GPR39: variants seen among roughly 807,000 people sequenced by gnomAD.
GPR39 encodes the protein zinc sensing receptor.
In GPR39, 23 loss-of-function variants were observed where a neutral mutation model predicts 18.4. The observed-to-expected ratio is 1.25, with a 90% CI of 0.90 to 1.77. The LOEUF (loss-of-function observed/expected upper bound fraction) is 1.77, where lower values mean the gene tolerates loss of function less well. Ranked by LOEUF, GPR39 falls within the 40% of genes most tolerant of loss-of-function variation. The probability of loss-of-function intolerance (pLI) is 0.00; values close to 1 mark genes in which losing one functional copy is unlikely to be tolerated. For missense variants in GPR39, 647 were observed against 602.4 expected, an observed-to-expected ratio of 1.07 and a Z score of -0.78; for synonymous variants, 280 against 257.9, an observed-to-expected ratio of 1.09 and a Z score of -0.82.
chr2:132,427,046 A>G (rs1442062024), intron 1 of GPR39, among the ~76,000 whole-genome samples: 1 of 148,746 alleles, frequency 6.7e-6, no homozygotes, highest in East Asian at 2.0e-4. Flanking sequence ...CCAGAGATGA[A>G]GTCATTTGAA....
At chr2:132,493,143 T>C (rs868359690) in intron 1 of GPR39, among the ~76,000 whole-genome samples, 112 of 142,582 alleles carry the variant, frequency 7.9e-4, no homozygotes, top group South Asian at 4.0e-3. Context: ...ACCATATATA[T>C]ACATTCCATA....
intron 1 of GPR39, among the ~76,000 whole-genome samples, chr2:132,562,683 A>G (rs886126928): frequency 1.1e-4 from 17 of 152,146 alleles, no homozygotes; most frequent in African/African-American, 4.1e-4. Flanking sequence ...AGCCACTGGT[A>G]GATAGTAGTA....
intron 1 of GPR39, among the ~76,000 whole-genome samples, chr2:132,458,458 T>TGTGTGTGTGTGTGTG (rs1680774114): frequency 7.6e-6 from 1 of 132,128 alleles, no homozygotes; most frequent in African/African-American, 2.9e-5. Context: ...CTCGGTGTGT[T>TGTGTGTGTGTGTGTG]TGTGTGTGTG....
chr2:132,608,654 TTGGCATG>T (rs1681183868), intron 1 of GPR39, among the ~76,000 whole-genome samples: 1 of 152,198 alleles, frequency 6.6e-6, no homozygotes, highest in Non-Finnish European at 1.5e-5. Flanking sequence ...CTGGCAGGGC[TTGGCATG>T]TGGCAGAACA....
intron 1 of GPR39, among the ~76,000 whole-genome samples, chr2:132,609,426 GGA>G (rs1029998264): frequency 2.6e-5 from 4 of 152,152 alleles, no homozygotes; most frequent in Admixed American, 2.6e-4. Flanking sequence ...ATGAGAAAAC[GGA>G]GAGTCAGAGA....
At chr2:132,636,392 G>A (rs1406667028) in intron 1 of GPR39, among the ~76,000 whole-genome samples, 1 of 152,150 alleles carries the variant, frequency 6.6e-6, no homozygotes, top group Non-Finnish European at 1.5e-5. Context: ...CAGGGTCTGG[G>A]AGCCCACTCA....
intron 1 of GPR39, among the ~76,000 whole-genome samples, chr2:132,619,852 C>CACAG (rs1373233158): frequency 2.2e-5 from 3 of 135,456 alleles, no homozygotes; most frequent in African/African-American, 1.0e-4. Flanking sequence ...CACACACACA[C>CACAG]ACACAGACAC....
intron 1 of GPR39, chr2:132,418,678 T>A (rs1303206036): frequency 6.6e-6 from 1 of 152,236 alleles, no homozygotes; most frequent in African/African-American, 2.4e-5. Flanking sequence ...TGAGGCCTCG[T>A]CTATTTAAAA....
At position 132,512,229 on chromosome 2, in the gene GPR39, G is replaced by A. The variant is rs1035119128; in HGVS notation, c.856+94331G>A. ...GCTGAACTGTAAGTAAACCTAAGGC[G>A]TATGGATTATTAGGGAGGTATTGAA... On this transcript the variant is annotated intron_variant, in intron 1 of 1. Coordinates refer to ENST00000329321, the MANE Select transcript of GPR39 (RefSeq NM_001508.3). 2.0e-5 allele frequency among the ~76,000 whole-genome samples: 3 copies of A among 152,148 alleles called. No homozygotes were observed. In the East Asian group the frequency reaches 5.8e-4, roughly 29 times the overall value.
At chr2:132,520,266 G>T (rs1383093355) in intron 1 of GPR39, among the ~76,000 whole-genome samples, 2 of 152,162 alleles carry the variant, frequency 1.3e-5, no homozygotes, top group Non-Finnish European at 2.9e-5. Context: ...CTTTGATACT[G>T]CTGTGGTACT....
At chr2:132,593,865 C>T (rs151199337) in intron 1 of GPR39, among the ~76,000 whole-genome samples, 52 of 152,260 alleles carry the variant, frequency 3.4e-4, no homozygotes, top group Non-Finnish European at 6.3e-4. Flanking sequence ...GAAGCGCTCT[C>T]CATCTGGCTC....
At chr2:132,543,181 G>C (rs188478090) in intron 1 of GPR39, among the ~76,000 whole-genome samples, 25 of 152,326 alleles carry the variant, frequency 1.6e-4, no homozygotes, top group Admixed American at 6.5e-4. Context: ...TCTCAGCAAA[G>C]AGAAGTGTCC....
At chr2:132,584,746 G>A (rs1297535614) in intron 1 of GPR39, among the ~76,000 whole-genome samples, 1 of 152,210 alleles carries the variant, frequency 6.6e-6, no homozygotes, top group African/African-American at 2.4e-5. Context: ...GGATGCAAAT[G>A]AGGCTTTCAG....
chr2:132,582,140 C>G (rs555861809), intron 1 of GPR39, among the ~76,000 whole-genome samples: 2 of 152,100 alleles, frequency 1.3e-5, no homozygotes, highest in Non-Finnish European at 2.9e-5. Context: ...CAGGTGGCCA[C>G]GTCTGGGCTG....
chr2:132,602,776 A>G (rs548402923), intron 1 of GPR39, among the ~76,000 whole-genome samples: 1 of 152,132 alleles, frequency 6.6e-6, no homozygotes, highest in East Asian at 1.9e-4. Flanking sequence ...GCCAATAAGT[A>G]TATGAAAAAA....
intron 1 of GPR39, among the ~76,000 whole-genome samples, chr2:132,484,570 G>A (rs567342041): frequency 3.3e-5 from 5 of 152,170 alleles, no homozygotes; most frequent in African/African-American, 4.8e-5. Flanking sequence ...AACTATAATC[G>A]GAGACTCCCA....
rs879594304 is a variant in GPR39 at position 132,416,840 on chromosome 2, C to T, written c.-203C>T. ...CCAAACCTCAACACCCAGGCGCCTCCTGGGCCTCTCCTAGGTTGGGCTGCT... is the reference window on the plus strand; with the variant it reads ...CCAAACCTCAACACCCAGGCGCCTCTTGGGCCTCTCCTAGGTTGGGCTGCT... On this transcript the variant is annotated 5_prime_UTR_variant, in exon 1 of 2. Coordinates refer to ENST00000329321, the MANE Select transcript of GPR39 (RefSeq NM_001508.3). The T allele has an allele frequency of 9.7e-5, 64 of 660,356 alleles. No individual in the cohort carries two copies. Among genetic ancestry groups the T allele is most frequent in the Admixed American group, 4.4e-4 (15 of 34,126 alleles). 40.9% of individuals were successfully genotyped at this position (660,356 alleles called of 1,614,324 possible).
chr2:132,419,353 C>G (rs1025720514), intron 1 of GPR39, among the ~76,000 whole-genome samples: 1 of 152,208 alleles, frequency 6.6e-6, no homozygotes, highest in Non-Finnish European at 1.5e-5. Context: ...CACCTCAGTG[C>G]AGCTCAAAGA....
At chr2:132,549,882 A>G (rs775975458) in intron 1 of GPR39, among the ~76,000 whole-genome samples, 9 of 152,300 alleles carry the variant, frequency 5.9e-5, no homozygotes, top group Non-Finnish European at 1.3e-4. Flanking sequence ...TTGTTAACCT[A>G]TGTTGATGCC....
Sources: allele counts gnomAD v4.1 joint callset (sites outside exome capture counted in the v4.1 genomes callset), GRCh38; gene constraint gnomAD v4.1.1; transcripts MANE v1.5; gene names NCBI Gene and HGNC (gene_info 2026-07-23, HGNC 2026-07-21).